Variants in SDK1 observed in about 807,000 individuals in gnomAD.
SDK1 encodes the protein sidekick cell adhesion molecule 1.
Under a neutral mutation model 245.5 loss-of-function variants are expected in SDK1, and 157 were observed. The ratio of observed to expected loss-of-function variants is 0.64; its 90% CI spans 0.56 to 0.73. The LOEUF is 0.73. Ranked by LOEUF, SDK1 falls within the 30% of genes least tolerant of loss-of-function variation. SDK1 has a pLI of 0.00. For missense variants in SDK1, 3,583 were observed against 3,002.3 expected (o/e 1.19, Z -4.52); for synonymous variants, 1,647 against 1,278.5 (o/e 1.29, Z -6.15).
intron 4 of SDK1, among the ~76,000 whole-genome samples, chr7:3,737,383 A>G (rs1347259043): frequency 1.3e-5 from 2 of 152,144 alleles, no homozygotes; most frequent in African/African-American, 2.4e-5. Flanking sequence ...GGGGGCGTCC[A>G]CTGTGTTCCA....
At chr7:3,659,171 C>G (rs186385016) in intron 4 of SDK1, among the ~76,000 whole-genome samples, 2 of 152,212 alleles carry the variant, frequency 1.3e-5, no homozygotes, top group East Asian at 3.9e-4. Flanking sequence ...TCACCGGGTT[C>G]TTTTTTGGTG....
intron 4 of SDK1, among the ~76,000 whole-genome samples, chr7:3,661,145 C>T (rs2128659367): frequency 6.6e-6 from 1 of 152,294 alleles, no homozygotes; most frequent in East Asian, 1.9e-4. Context: ...TTGTTGAGTT[C>T]AGTATTCTAG....
chr7:3,442,528 A>G (rs1274310059), intron 1 of SDK1, among the ~76,000 whole-genome samples: 1 of 152,242 alleles, frequency 6.6e-6, no homozygotes, highest in Non-Finnish European at 1.5e-5. Flanking sequence ...CATTTTGGAA[A>G]CAAGGTTGTA....
Position 3,473,341 on chromosome 7 carries a change from T to C in SDK1, c.299-145739T>C, listed in dbSNP as rs192757498. ...AGAAGAACAGGTAGAAAACAAGGAGTGAAGTTGTGTTCAAATGCTTACAAT... is the reference window on the plus strand; with the variant it reads ...AGAAGAACAGGTAGAAAACAAGGAGCGAAGTTGTGTTCAAATGCTTACAAT... On this transcript the variant is annotated intron_variant, in intron 1 of 44. Transcript: ENST00000404826. Among the ~76,000 whole-genome samples, 644 of 152,164 alleles carry C rather than the reference T, an allele frequency of 4.2e-3. 7 individuals are homozygous for C. Among genetic ancestry groups the C allele is most frequent in the South Asian group, 0.018 (85 of 4,814 alleles).
intron 17 of SDK1, among the ~76,000 whole-genome samples, chr7:4,049,147 C>T (rs895724634): frequency 4.6e-5 from 7 of 152,188 alleles, no homozygotes; most frequent in African/African-American, 1.7e-4. Context: ...AAGAATTCTG[C>T]AAGAGAAAAT....
intron 40 of SDK1, among the ~76,000 whole-genome samples, chr7:4,230,658 T>C (rs1164727141): frequency 1.3e-5 from 2 of 150,006 alleles, no homozygotes; most frequent in African/African-American, 4.9e-5. Context: ...GGATAGATGA[T>C]AGCTGGAGGG....
At chr7:3,759,353 C>G (rs1370364435) in intron 4 of SDK1, among the ~76,000 whole-genome samples, 1 of 151,884 alleles carries the variant, frequency 6.6e-6, no homozygotes, top group Non-Finnish European at 1.5e-5. Flanking sequence ...AAGAGCAGTG[C>G]TATATAGAAA....
In SDK1 at chr7:3,393,795, G is replaced by T. The variant is rs564370005; in HGVS notation, c.298+91911G>T. 3.3e-5 allele frequency among the ~76,000 whole-genome samples: 5 copies of T among 152,190 alleles called. No homozygotes were observed. In the South Asian group the frequency reaches 1.0e-3, roughly 32 times the overall value. On this transcript the variant is annotated intron_variant, in intron 1 of 44. Coordinates refer to ENST00000404826, the MANE Select transcript of SDK1 (RefSeq NM_152744.4). ...AGTTTCTTCAAAACAGCTATTTTGA[G>T]TTCTTGAAAGGTCATGTATATCTGT...
intron 26 of SDK1, 176 bp from the exon 27 acceptor site, chr7:4,129,732 T>G: frequency 7.0e-7 from 1 of 1,427,572 alleles, no homozygotes; most frequent in Non-Finnish European, 9.1e-7. Context: ...TACAACCACC[T>G]TCCTCCCCAA....
chr7:4,115,266 T>C (rs1052418027), intron 25 of SDK1, among the ~76,000 whole-genome samples: 6 of 152,208 alleles, frequency 3.9e-5, no homozygotes, highest in African/African-American at 1.4e-4. Flanking sequence ...TCACAGCTTG[T>C]GCTTGACAGA....
intron 1 of SDK1, among the ~76,000 whole-genome samples, chr7:3,502,674 T>A (rs1165979242): frequency 6.6e-6 from 1 of 152,246 alleles, no homozygotes; most frequent in Non-Finnish European, 1.5e-5. Flanking sequence ...TTTTTTAATT[T>A]TAAAAATATT....
Position 3,958,198 on chromosome 7 carries a change from T to G in SDK1, c.1151-733T>G, listed in dbSNP as rs552479387. The G allele has an allele frequency of 1.9e-5, 6 of 320,852 alleles. No homozygotes were observed. The East Asian group carries it at 6.3e-4, about 34-fold the overall frequency. The allele number at this position is 320,852 out of a possible 1,614,324, so 19.9% of individuals were successfully genotyped here. A position where few individuals can be genotyped will look rare whatever the true frequency, so the allele number is the denominator to read the frequency against. On this transcript the variant is annotated intron_variant, in intron 7 of 44. Transcript: ENST00000404826. ...TGAACACAACAGCCTTTTGTTATCA[T>G]GATAATGAAATCACCACCACCTTAA...
At chr7:3,860,813 A>G (rs375183263) in intron 5 of SDK1, among the ~76,000 whole-genome samples, 5 of 152,298 alleles carry the variant, frequency 3.3e-5, no homozygotes, top group African/African-American at 2.4e-5. Flanking sequence ...TAGTTTAACA[A>G]TATGCAGCCA....
intron 5 of SDK1, among the ~76,000 whole-genome samples, chr7:3,860,153 C>A (rs1780656274): frequency 6.6e-6 from 1 of 152,100 alleles, no homozygotes; most frequent in South Asian, 2.1e-4. Flanking sequence ...CTCTCCTGAC[C>A]TCGTGATCCG....
intron 1 of SDK1, among the ~76,000 whole-genome samples, chr7:3,532,538 A>G (rs534113986): frequency 2.0e-5 from 3 of 152,262 alleles, no homozygotes; most frequent in African/African-American, 7.2e-5. Flanking sequence ...CACACACACT[A>G]AGTAGTGATG....
intron 28 of SDK1, among the ~76,000 whole-genome samples, chr7:4,140,358 A>G (rs928336315): frequency 6.6e-6 from 1 of 152,114 alleles, no homozygotes; most frequent in African/African-American, 2.4e-5. Flanking sequence ...CAGCCTCCCC[A>G]GATGGGAGCC....
In SDK1 at chr7:3,808,971, G is replaced by A. The variant is rs372265580; in HGVS notation, c.714-12479G>A. On this transcript the variant is annotated intron_variant, in intron 4 of 44. Transcript: ENST00000404826. ...TAGGGGAGCCTGTGTTTTGAGTCGTGCACTGAGGATCCAGCATCACCAAGG... is the reference window on the plus strand; with the variant it reads ...TAGGGGAGCCTGTGTTTTGAGTCGTACACTGAGGATCCAGCATCACCAAGG... Among the ~76,000 whole-genome samples the A allele has an allele frequency of 2.6e-5, 4 of 152,290 alleles. No homozygotes were observed. The South Asian group carries it at 6.2e-4, about 24-fold the overall frequency.
chr7:3,650,469 C>T lies in SDK1; in HGVS notation c.713+8364C>T, dbSNP rs142782128. Among the ~76,000 whole-genome samples, 30 of 152,262 alleles carry T rather than the reference C, an allele frequency of 2.0e-4. 1 individual carries two copies. The East Asian group carries it at 5.8e-3, about 29-fold the overall frequency. ...ATCATATGGCATTTATCCTTTTCCA[C>T]CTATTTTTAATTAAACGTAGTATCT... On this transcript the variant is annotated intron_variant, in intron 4 of 44. Transcript: ENST00000404826.
intron 32 of SDK1, among the ~76,000 whole-genome samples, chr7:4,166,625 TG>T: frequency 6.6e-6 from 1 of 152,322 alleles, no homozygotes; most frequent in South Asian, 2.1e-4. Flanking sequence ...AGAGAATCCC[TG>T]TTCTACTCTC....
Sources: gnomAD v4.1 joint callset for allele counts (sites outside exome capture counted in the v4.1 genomes callset) on GRCh38, gnomAD v4.1.1 for gene constraint, MANE v1.5 for transcripts, NCBI Gene and HGNC (gene_info 2026-07-23, HGNC 2026-07-21) for gene names.